The following HHIP variants were observed in gnomAD, a reference collection of about 807,000 sequenced individuals.
HHIP encodes the protein hedgehog-interacting protein.
A neutral mutation model predicts 74.0 loss-of-function variants in HHIP; 12 were observed. The ratio of observed to expected loss-of-function variants is 0.16; its 90% CI spans 0.10 to 0.26. The LOEUF (loss-of-function observed/expected upper bound fraction) is 0.26. Ranked by LOEUF, HHIP falls within the 10% of genes least tolerant of loss-of-function variation. HHIP has a pLI of 1.00. For synonymous variants in HHIP, 309 were observed against 311.6 expected (o/e 0.99, Z 0.09); for missense variants, 788 against 845.0 (o/e 0.93, Z 0.84).
Position 144,740,558 on chromosome 4 carries a change from A to G in HHIP, c.*2601A>G, listed in dbSNP as rs1210776289. The G allele has an allele frequency of 6.6e-6, 1 of 152,226 alleles. No homozygotes were observed. The highest frequency in any genetic ancestry group is 2.4e-5 in the African/African-American group (1 of 41,460). 9.4% of individuals were successfully genotyped at this position (152,226 alleles called of 1,614,324 possible). On this transcript the variant is annotated 3_prime_UTR_variant, in exon 13 of 13. Coordinates refer to ENST00000296575, the MANE Select transcript of HHIP (RefSeq NM_022475.3). ...ATAGCACTGGCTAATTGATGGCAAC[A>G]TATTTTAAATTAAGTGGTCAATTCA...
At chr4:144,672,607 G>A (rs1729069312) in intron 4 of HHIP, among the ~76,000 whole-genome samples, 1 of 152,178 alleles carries the variant, frequency 6.6e-6, no homozygotes, top group Non-Finnish European at 1.5e-5. Flanking sequence ...TCTATACTGA[G>A]TGAGATGAGT....
chr4:144,723,407 A>C (rs1730693737), intron 11 of HHIP, among the ~76,000 whole-genome samples: 1 of 152,046 alleles, frequency 6.6e-6, no homozygotes, highest in Non-Finnish European at 1.5e-5. Context: ...CCTACTTCTT[A>C]TTAGACTGGA....
rs1196262374 is a variant in HHIP, at chr4:144,741,242, C to T, written c.*3285C>T. The T allele has an allele frequency of 1.3e-5, 2 of 151,850 alleles. No individual in the cohort carries two copies. The highest frequency in any genetic ancestry group is 2.4e-5 in the African/African-American group (1 of 41,370). 9.4% of individuals were successfully genotyped at this position (151,850 alleles called of 1,614,324 possible). On this transcript the variant is annotated 3_prime_UTR_variant, in exon 13 of 13. Coordinates refer to ENST00000296575, the MANE Select transcript of HHIP (RefSeq NM_022475.3). ...AACCAACACATACAATATATACACA[C>T]AACCTAAATAGAAAACTATTTTCTT...
At chr4:144,706,813 C>T in intron 5 of HHIP, 131 bp downstream of exon 5, 1 of 825,040 alleles carries the variant, frequency 1.2e-6, no homozygotes, top group Non-Finnish European at 1.9e-6. Flanking sequence ...TTACCTCCAT[C>T]TTGCTGAAAA....
intron 7 of HHIP, among the ~76,000 whole-genome samples, chr4:144,709,732 G>C (rs565155246): frequency 2.6e-5 from 4 of 152,256 alleles, no homozygotes; most frequent in African/African-American, 9.6e-5. Flanking sequence ...TTCTCAGCAA[G>C]GCTCACCATC....
At chr4:144,723,006 A>G (rs1044651251) in intron 11 of HHIP, among the ~76,000 whole-genome samples, 5 of 152,236 alleles carry the variant, frequency 3.3e-5, no homozygotes, top group African/African-American at 1.2e-4. Context: ...TTTTTATAGA[A>G]CACGAATTTT....
At chr4:144,665,703 A>C (rs1320124767) in intron 4 of HHIP, among the ~76,000 whole-genome samples, 1 of 152,190 alleles carries the variant, frequency 6.6e-6, no homozygotes, top group Non-Finnish European at 1.5e-5. Context: ...CAATAAGTAT[A>C]AGTGTGCATT....
At position 144,744,584 on chromosome 4, in the gene HHIP, T is replaced by C. The variant is rs1006203205; in HGVS notation, c.*6627T>C. ...TTCTATAAATGTCTGAAAAGTTACA[T>C]GCATAGTCATTGGCTCAGGTAATTT... On this transcript the variant is annotated 3_prime_UTR_variant, in exon 13 of 13. Transcript: ENST00000296575. The C allele has an allele frequency of 3.3e-5, 5 of 152,268 alleles. No individual in the cohort carries two copies. Among genetic ancestry groups the C allele is most frequent in the Admixed American group, 2.0e-4 (3 of 15,284 alleles). The allele number at this position is 152,268 out of a possible 1,614,324, so 9.4% of individuals were successfully genotyped here. A position where few individuals can be genotyped will look rare whatever the true frequency, so the allele number is the denominator to read the frequency against.
At chr4:144,648,180 A>T (rs1560690931) in intron 1 of HHIP, 1 of 152,240 alleles carries the variant, frequency 6.6e-6, no homozygotes, top group Non-Finnish European at 1.5e-5. Flanking sequence ...AAAAATCAAT[A>T]GGACAAAAAG....
chr4:144,646,296 C>T lies in HHIP; in HGVS notation c.-380C>T. The stretch of plus-strand genomic sequence containing the variant: ...CTGCTACTGTCCCACCTAAACAACT[C>T]CCGTTACACGGACAAGTGAACATCT... On this transcript the variant is annotated 5_prime_UTR_variant, in exon 1 of 13. Transcript: ENST00000296575. 1 of 190,186 alleles carries T rather than the reference C, an allele frequency of 5.3e-6. No homozygotes were observed. Among genetic ancestry groups the T allele is most frequent in the Non-Finnish European group, 1.1e-5 (1 of 92,760 alleles). The allele number at this position is 190,186 out of a possible 1,614,324, so 11.8% of individuals were successfully genotyped here.
intron 11 of HHIP, among the ~76,000 whole-genome samples, chr4:144,730,600 A>G (rs893011055): frequency 3.9e-5 from 6 of 152,160 alleles, no homozygotes; most frequent in Non-Finnish European, 8.8e-5. Context: ...TTCCAGTCCA[A>G]TAAAATTAAG....
chr4:144,692,715 G>A (rs148885449), intron 4 of HHIP, among the ~76,000 whole-genome samples: 2 of 152,266 alleles, frequency 1.3e-5, no homozygotes, highest in Non-Finnish European at 2.9e-5. Context: ...AATAGCCCAG[G>A]CTGTGGTATA....
At position 144,741,372 on chromosome 4, in the gene HHIP, T is replaced by G. The variant is rs867518911; in HGVS notation, c.*3415T>G. On this transcript the variant is annotated 3_prime_UTR_variant, in exon 13 of 13. Coordinates refer to ENST00000296575, the MANE Select transcript of HHIP (RefSeq NM_022475.3). ...TTTTAATCCATTTGCTGTTTTTTTT[T>G]TTTTTTTGGTTTCTTTTTTTTTTTT... 7.9e-5 allele frequency: 12 copies of G among 151,328 alleles called. No homozygotes were observed. Among genetic ancestry groups the G allele is most frequent in the African/African-American group, 2.9e-4 (12 of 41,386 alleles). 9.4% of individuals were successfully genotyped at this position (151,328 alleles called of 1,614,324 possible).
chr4:144,701,649 T>C (rs116560794), intron 4 of HHIP, among the ~76,000 whole-genome samples: 372 of 152,298 alleles, frequency 2.4e-3, no homozygotes, highest in African/African-American at 8.4e-3. Flanking sequence ...ATTCAATAAG[T>C]ATTTGTGGAA....
Position 144,646,618 on chromosome 4 carries a change from G to A in HHIP, c.-58G>A. The A allele has an allele frequency of 1.9e-6, 3 of 1,557,782 alleles. 1 individual carries two copies. The highest frequency in any genetic ancestry group is 2.4e-5 in the South Asian group (2 of 83,350). ...GGAGCTGCGCCCTAGTGCCCCTGCT[G>A]GGCAGTGGCGTTCCCCCCCATCCTC... On this transcript the variant is annotated 5_prime_UTR_variant, in exon 1 of 13. Coordinates refer to ENST00000296575, the MANE Select transcript of HHIP (RefSeq NM_022475.3).
chr4:144,704,730 G>A (rs752473655), intron 4 of HHIP, among the ~76,000 whole-genome samples: 11 of 152,170 alleles, frequency 7.2e-5, no homozygotes, highest in Non-Finnish European at 1.6e-4. Flanking sequence ...GCTTTAGGGG[G>A]AAATATATTT....
chr4:144,719,041 C>A (rs1439636001), intron 11 of HHIP, 85 bp downstream of exon 11: 4 of 840,342 alleles, frequency 4.8e-6, no homozygotes, highest in South Asian at 1.4e-5. Context: ...AGGAATGTCA[C>A]AATTAGCAAT....
At chr4:144,704,525 C>G (rs944428713) in intron 4 of HHIP, among the ~76,000 whole-genome samples, 1 of 152,166 alleles carries the variant, frequency 6.6e-6, no homozygotes, top group Non-Finnish European at 1.5e-5. Context: ...ATCTGTCTTT[C>G]TACAGTGCCT....
At chr4:144,715,912 T>C (rs1450238068) in intron 10 of HHIP, among the ~76,000 whole-genome samples, 2 of 152,196 alleles carry the variant, frequency 1.3e-5, no homozygotes, top group Non-Finnish European at 2.9e-5. Context: ...AGCAAGATGA[T>C]CTGAGTGCAG....
Sources: gnomAD v4.1 joint callset for allele counts (sites outside exome capture counted in the v4.1 genomes callset) on GRCh38, gnomAD v4.1.1 for gene constraint, MANE v1.5 for transcripts, NCBI Gene and HGNC (gene_info 2026-07-23, HGNC 2026-07-21) for gene names.